Variants in ANKRD27 observed in about 807,000 individuals in gnomAD.
The protein encoded by ANKRD27 is ankyrin repeat domain 27, also known as ankyrin repeat domain-containing protein 27.
Under a neutral mutation model 129.7 loss-of-function variants are expected in ANKRD27, and 112 were observed. The ratio of observed to expected loss-of-function variants is 0.86; its 90% CI spans 0.74 to 1.01. The LOEUF (loss-of-function observed/expected upper bound fraction) is 1.01. Among genes scored for constraint, ANKRD27 ranks in the 50% least tolerant of loss-of-function variants. The probability of loss-of-function intolerance (pLI) is 0.00; values close to 1 mark genes in which losing one functional copy is unlikely to be tolerated. For missense variants in ANKRD27, 1,258 were observed against 1,300.5 expected (o/e 0.97, Z 0.50); for synonymous variants, 516 against 511.2 (o/e 1.01, Z -0.13).
chr19:32,622,807 T>A (rs8100404), intron 17 of ANKRD27, among the ~76,000 whole-genome samples, 188 bp from the exon 18 acceptor site: 10,559 of 151,812 alleles, frequency 0.07, 1,215 homozygotes, highest in African/African-American at 0.24. Context: ...AGACAGGATC[T>A]CTCTCTGTTA....
chr19:32,659,106 G>A (rs546301182), intron 1 of ANKRD27, 61 bp from the exon 2 acceptor site: 12 of 724,682 alleles, frequency 1.7e-5, no homozygotes, highest in Middle Eastern at 2.5e-4. Flanking sequence ...ACACATGAAA[G>A]TCTGCATCTG....
chr19:32,661,250 CAT>C (rs1221112035), intron 1 of ANKRD27, among the ~76,000 whole-genome samples: 5 of 134,638 alleles, frequency 3.7e-5, no homozygotes, highest in African/African-American at 2.6e-5. Flanking sequence ...CACACACACA[CAT>C]ATACTCACAC....
Position 32,639,362 on chromosome 19 carries a change from T to G in ANKRD27, c.1110A>C (p.Lys370Asn), listed in dbSNP as rs1568410397. 3 of 1,613,862 alleles carry G rather than the reference T, an allele frequency of 1.9e-6. No individual in the cohort carries two copies. Among genetic ancestry groups the G allele is most frequent in the South Asian group, 2.2e-5 (2 of 91,064 alleles). The part of the protein sequence containing the change: ...EYIRQGSLSA[K>N]PPESEGFGDR... ...GGCAGGGGTGAGATCTTACAGGGGG[T>G]TTAGCAGAGAGGCTTCCTTGCCGAA... The change falls in exon 12 of 29, where the codon AAA (lysine) becomes AAC (asparagine). Residue 370 changes from lysine (K) to asparagine (N), a missense_variant. Physicochemically the swap from Lys to Asn is moderately conservative, Grantham distance 94. Transcript: ENST00000306065.
rs1335404531 is a variant in ANKRD27, at chr19:32,625,928, C to T, written c.1575G>A (p.Gln525=). ...LLHYKASAEV[Q]DNNGNTPLHL... ...GGAGTGGCGTATTCCCATTGTTGTCCTGCACTTCCGCGCTGGCCTTGTAGT... is the reference window on the plus strand; with the variant it reads ...GGAGTGGCGTATTCCCATTGTTGTCTTGCACTTCCGCGCTGGCCTTGTAGT... Residue 525 remains glutamine (Q), a synonymous_variant, in exon 17 of 29, where the codon CAG becomes CAA. Coordinates refer to ENST00000306065, the MANE Select transcript of ANKRD27 (RefSeq NM_032139.3). 3 of 1,611,242 alleles carry T rather than the reference C, an allele frequency of 1.9e-6. No homozygotes were observed. The highest frequency in any genetic ancestry group is 2.5e-6 in the Non-Finnish European group (3 of 1,179,162).
chr19:32,641,210 T>C (rs1967194496), intron 10 of ANKRD27, among the ~76,000 whole-genome samples: 1 of 147,798 alleles, frequency 6.8e-6, no homozygotes. Flanking sequence ...CGACCCTGTC[T>C]CTTAAGAAAA....
Position 32,622,519 on chromosome 19 carries a change from T to A in ANKRD27, c.1730A>T (p.Tyr577Phe). 6.2e-7 allele frequency: 1 copy of A among 1,614,152 alleles called. No individual in the cohort carries two copies. Among genetic ancestry groups the A allele is most frequent in the Middle Eastern group, 1.6e-4 (1 of 6,062 alleles). ...TPLHIAARWG[Y>F]QGVIETLLQN... ...CAGCAATGTCTCTATGACGCCTTGG[T>A]AGCCCCAGCGGGCAGCAATGTGTAG... Residue 577 changes from tyrosine to phenylalanine, a missense_variant, in exon 18 of 29, where the codon TAC (tyrosine) becomes TTC (phenylalanine). Tyr to Phe is a conservative substitution (Grantham distance 22, BLOSUM62 3). Transcript: ENST00000306065.
In ANKRD27 at chr19:32,642,049, G is replaced by C; in HGVS notation, c.879C>G (p.Leu293=). Residue 293 remains leucine (L), a synonymous_variant, in exon 10 of 29, where the codon CTC becomes CTG. Coordinates refer to ENST00000306065, the MANE Select transcript of ANKRD27 (RefSeq NM_032139.3). ...CTCTCTGGCTTGGAGACTGTGTAAT[G>C]AGCTGCACCACTTTTCGCAAGCAGA... ...KLVCLRKVVQ[L]ITQSPSQRVN... The C allele has an allele frequency of 6.2e-7, 1 of 1,610,134 alleles. No individual in the cohort carries two copies. The highest frequency in any genetic ancestry group is 2.2e-5 in the East Asian group (1 of 44,774).
intron 3 of ANKRD27, among the ~76,000 whole-genome samples, chr19:32,648,758 C>CCACT (rs1295622050): frequency 6.6e-6 from 1 of 150,954 alleles, no homozygotes; most frequent in Non-Finnish European, 1.5e-5. Context: ...TGTGATAGCG[C>CCACT]CACTGCACTC....
chr19:32,673,860 T>C (rs574168412), intron 1 of ANKRD27, among the ~76,000 whole-genome samples: 1 of 151,916 alleles, frequency 6.6e-6, no homozygotes, highest in African/African-American at 2.4e-5. Context: ...TAACAGCTAC[T>C]GCTCAGCAAA....
intron 10 of ANKRD27, among the ~76,000 whole-genome samples, chr19:32,641,257 G>A (rs1967195456): frequency 1.3e-5 from 2 of 151,474 alleles, no homozygotes; most frequent in African/African-American, 4.8e-5. Context: ...ACCATGCCTT[G>A]CCACCCCCTT....
At chr19:32,674,667 C>T (rs1967946764) in intron 1 of ANKRD27, among the ~76,000 whole-genome samples, 2 of 151,960 alleles carry the variant, frequency 1.3e-5, no homozygotes, top group African/African-American at 2.4e-5. Flanking sequence ...GCGGCTCGGA[C>T]CCCCACCCGC....
chr19:32,637,622 A>G (rs751872626), intron 12 of ANKRD27: 12 of 152,298 alleles, frequency 7.9e-5, no homozygotes, highest in Admixed American at 1.3e-4. Flanking sequence ...AGGAACAGGC[A>G]GGAGCCCCCA....
intron 22 of ANKRD27, among the ~76,000 whole-genome samples, chr19:32,614,935 C>T (rs892249075): frequency 6.6e-6 from 1 of 152,128 alleles, no homozygotes; most frequent in African/African-American, 2.4e-5. Flanking sequence ...CTGGGGAAAG[C>T]TGGGAGAGGG....
intron 12 of ANKRD27, 126 bp downstream of exon 12, chr19:32,639,230 A>T: frequency 1.7e-6 from 2 of 1,168,112 alleles, no homozygotes; most frequent in Non-Finnish European, 1.2e-6. Context: ...CACAGCCCTC[A>T]AACAGCTGAG....
At chr19:32,613,701 TGTAAC>T (rs1346060278) in intron 22 of ANKRD27, among the ~76,000 whole-genome samples, 1 of 149,536 alleles carries the variant, frequency 6.7e-6, no homozygotes, top group Non-Finnish European at 1.5e-5. Context: ...ATTACATTTA[TGTAAC>T]TTTTTTTTTT....
chr19:32,627,854 G>C (rs554456411), intron 15 of ANKRD27, among the ~76,000 whole-genome samples: 1 of 152,258 alleles, frequency 6.6e-6, no homozygotes, highest in Admixed American at 6.5e-5. Flanking sequence ...TTTCCATGCC[G>C]TGGGACCCAC....
intron 12 of ANKRD27, chr19:32,638,238 C>T (rs1366164651): frequency 1.3e-5 from 2 of 152,312 alleles, no homozygotes; most frequent in African/African-American, 2.4e-5. Flanking sequence ...CCTTCTGAGC[C>T]ATAAAAAACC....
intron 2 of ANKRD27, among the ~76,000 whole-genome samples, chr19:32,650,453 G>A (rs1481343444): frequency 1.3e-5 from 2 of 152,156 alleles, no homozygotes; most frequent in Non-Finnish European, 2.9e-5. Flanking sequence ...TTGGGAGGCT[G>A]AGGCAGGCAG....
rs201632312 is a variant in ANKRD27 at position 32,602,043 on chromosome 19, C to T, written c.2739G>A (p.Glu913=). The T allele has an allele frequency of 1.4e-5, 23 of 1,613,762 alleles. No homozygotes were observed. The East Asian group carries it at 4.7e-4, about 33-fold the overall frequency. Residue 913 remains glutamate, a synonymous_variant, in exon 26 of 29, where the codon GAG becomes GAA. Coordinates refer to ENST00000306065, the MANE Select transcript of ANKRD27 (RefSeq NM_032139.3). ...TTTTCCTGATCTTAACAGTGACATACTCCTTGCGGTCAGTTTCAGCCACAT... is the reference window on the plus strand; with the variant it reads ...TTTTCCTGATCTTAACAGTGACATATTCCTTGCGGTCAGTTTCAGCCACAT... ...LDDVAETDRK[E]YVTVKIRKKW...
Sources: gnomAD v4.1 joint callset for allele counts (sites outside exome capture counted in the v4.1 genomes callset) on GRCh38, gnomAD v4.1.1 for gene constraint, MANE v1.5 for transcripts, NCBI Gene and HGNC (gene_info 2026-07-23, HGNC 2026-07-21) for gene names.